Variants in PRKG1 observed in about 807,000 individuals in gnomAD.
The protein encoded by PRKG1 is protein kinase cGMP-dependent 1, also known as cGMP-dependent protein kinase 1.
Under a neutral mutation model 88.1 loss-of-function variants are expected in PRKG1, and 35 were observed. The observed-to-expected ratio is 0.40, with a 90% CI of 0.30 to 0.53. The LOEUF (loss-of-function observed/expected upper bound fraction) is 0.53. PRKG1 is among the 20% of genes least tolerant of loss of function. The probability of loss-of-function intolerance (pLI) is 0.59; values close to 1 mark genes in which losing one functional copy is unlikely to be tolerated. For synonymous variants in PRKG1, 303 were observed against 292.5 expected, an observed-to-expected ratio of 1.04 and a Z score of -0.37; for missense variants, 540 against 839.8, an observed-to-expected ratio of 0.64 and a Z score of 4.41.
chr10:52,043,864 G>A (rs1845804487), intron 5 of PRKG1, among the ~76,000 whole-genome samples: 3 of 143,920 alleles, frequency 2.1e-5, no homozygotes, highest in Non-Finnish European at 3.0e-5. Context: ...AAAAAACCAA[G>A]GATTGAAAAT....
intron 5 of PRKG1, among the ~76,000 whole-genome samples, chr10:52,042,664 C>A (rs1845778413): frequency 6.6e-6 from 1 of 151,952 alleles, no homozygotes; most frequent in African/African-American, 2.4e-5. Context: ...TTGATCTGGG[C>A]AATAATTTTT....
At chr10:51,479,539 T>C (rs1040278565) in intron 3 of PRKG1, among the ~76,000 whole-genome samples, 1 of 152,108 alleles carries the variant, frequency 6.6e-6, no homozygotes, top group African/African-American at 2.4e-5. Flanking sequence ...ACTTATATGA[T>C]AATATTAGTG....
chr10:52,048,105 C>T lies in PRKG1; in HGVS notation c.763-6379C>T, dbSNP rs535238549. On this transcript the variant is annotated intron_variant, in intron 5 of 17. Transcript: ENST00000373980. ...CAATTACCATAGTATTGGTAATTGC[C>T]TGAATTAGTAATTGGCCTGAATTAC... 1.4e-4 allele frequency among the ~76,000 whole-genome samples: 22 copies of T among 151,864 alleles called. 1 individual carries two copies. The East Asian group carries it at 4.3e-3, about 29-fold the overall frequency.
chr10:52,046,206 A>G (rs1377667268), intron 5 of PRKG1, among the ~76,000 whole-genome samples: 1 of 152,072 alleles, frequency 6.6e-6, no homozygotes, highest in African/African-American at 2.4e-5. Context: ...GGATTTGGAG[A>G]ATGACGCAAT....
chr10:51,474,359 G>A (rs949978338), intron 3 of PRKG1, among the ~76,000 whole-genome samples: 2 of 151,910 alleles, frequency 1.3e-5, no homozygotes, highest in African/African-American at 2.4e-5. Context: ...TGAGGACTCC[G>A]CTTTCACAAA....
At chr10:52,134,350 A>C (rs1301525810) in intron 8 of PRKG1, among the ~76,000 whole-genome samples, 1 of 152,138 alleles carries the variant, frequency 6.6e-6, no homozygotes, top group Non-Finnish European at 1.5e-5. Flanking sequence ...TCCTATCTCC[A>C]GACTTCCATA....
chr10:51,196,976 A>C (rs2132049341), intron 2 of PRKG1, among the ~76,000 whole-genome samples: 1 of 152,196 alleles, frequency 6.6e-6, no homozygotes, highest in South Asian at 2.1e-4. Flanking sequence ...ACCTGTCTTG[A>C]CTTTGGCACT....
At chr10:51,028,150 C>T (rs931686099) in intron 1 of PRKG1, among the ~76,000 whole-genome samples, 1 of 151,986 alleles carries the variant, frequency 6.6e-6, no homozygotes, top group Non-Finnish European at 1.5e-5. Flanking sequence ...ACTCTGGTGC[C>T]CCATATTACT....
chr10:51,642,261 G>A (rs148166322), intron 3 of PRKG1, among the ~76,000 whole-genome samples: 34 of 152,102 alleles, frequency 2.2e-4, no homozygotes, highest in African/African-American at 7.0e-4. Flanking sequence ...GTGGTGGTGC[G>A]CGCCTATAAT....
chr10:52,012,245 C>CTTT lies in PRKG1; in HGVS notation c.763-42227_763-42225dup, dbSNP rs34119029. On this transcript the variant is annotated intron_variant, in intron 5 of 17. Transcript: ENST00000373980. Reference sequence around the variant, plus strand: ...TGTTCTTTTTGAAGGATTTATTTGCCTTTTTTTTTTTTTTGAGACAGGGTC... The same window carrying CTTT: ...TGTTCTTTTTGAAGGATTTATTTGCCTTTTTTTTTTTTTTTTTGAGACAGGGTC... Among the ~76,000 whole-genome samples the CTTT allele has an allele frequency of 4.1e-3, 569 of 139,190 alleles. 1 individual carries two copies. Among genetic ancestry groups the CTTT allele is most frequent in the Non-Finnish European group, 6.1e-3 (400 of 65,378 alleles). 91.3% of individuals were successfully genotyped at this position (139,190 alleles called of 152,430 possible).
intron 4 of PRKG1, among the ~76,000 whole-genome samples, chr10:51,871,942 G>A (rs1268752213): frequency 6.6e-6 from 1 of 152,154 alleles, no homozygotes; most frequent in Non-Finnish European, 1.5e-5. Flanking sequence ...AACAAGTAGA[G>A]GGAGGAAGAA....
intron 7 of PRKG1, among the ~76,000 whole-genome samples, chr10:52,123,239 A>AT (rs1201099759): frequency 2.6e-5 from 4 of 152,150 alleles, no homozygotes; most frequent in Non-Finnish European, 5.9e-5. Context: ...CTATTTAGTT[A>AT]TTGTGTTCTC....
At chr10:51,444,112 A>T (rs1839201858) in intron 2 of PRKG1, among the ~76,000 whole-genome samples, 1 of 151,676 alleles carries the variant, frequency 6.6e-6, no homozygotes, top group South Asian at 2.1e-4. Context: ...AGGAAAAAAA[A>T]TATGGCAATA....
intron 3 of PRKG1, among the ~76,000 whole-genome samples, chr10:51,599,679 G>C (rs183605383): frequency 1.2e-4 from 19 of 152,178 alleles, no homozygotes; most frequent in African/African-American, 3.6e-4. Context: ...ATTAAGACTT[G>C]GGGCTCCAAA....
At chr10:52,034,932 G>C (rs1006278627) in intron 5 of PRKG1, among the ~76,000 whole-genome samples, 2 of 152,142 alleles carry the variant, frequency 1.3e-5, no homozygotes, top group Non-Finnish European at 2.9e-5. Context: ...TAAAAGTATT[G>C]TCCAGTCCTT....
At chr10:51,647,931 C>T (rs1337226895) in intron 3 of PRKG1, among the ~76,000 whole-genome samples, 1 of 151,936 alleles carries the variant, frequency 6.6e-6, no homozygotes, top group Non-Finnish European at 1.5e-5. Context: ...AAGTCCATGC[C>T]CTATTTTCAA....
intron 4 of PRKG1, among the ~76,000 whole-genome samples, chr10:51,844,561 A>G (rs1840354126): frequency 6.6e-6 from 1 of 152,174 alleles, no homozygotes; most frequent in Admixed American, 6.6e-5. Context: ...TGCCTCTAGG[A>G]CAAAATGGGT....
chr10:51,266,107 G>A (rs1839829809), intron 2 of PRKG1, among the ~76,000 whole-genome samples: 1 of 152,194 alleles, frequency 6.6e-6, no homozygotes, highest in Non-Finnish European at 1.5e-5. Context: ...GTGGACCACA[G>A]TTAGGGAACC....
intron 9 of PRKG1, among the ~76,000 whole-genome samples, chr10:52,183,321 G>T (rs1348605574): frequency 6.6e-6 from 1 of 152,178 alleles, no homozygotes; most frequent in Non-Finnish European, 1.5e-5. Context: ...GCAAGAAAGT[G>T]GGTACAAAGG....
Sources: gnomAD v4.1 joint callset for allele counts (sites outside exome capture counted in the v4.1 genomes callset) on GRCh38, gnomAD v4.1.1 for gene constraint, MANE v1.5 for transcripts, NCBI Gene and HGNC (gene_info 2026-07-23, HGNC 2026-07-21) for gene names.